The following KLHL31 variants were observed in gnomAD, a reference collection of about 807,000 sequenced individuals.
KLHL31 encodes the protein kelch-like protein 31.
A neutral mutation model predicts 47.1 loss-of-function variants in KLHL31; 32 were observed. That is an observed-to-expected ratio of 0.68 (90% CI 0.51 to 0.91). The LOEUF (loss-of-function observed/expected upper bound fraction) is 0.91. Among genes scored for constraint, KLHL31 ranks in the 40% least tolerant of loss-of-function variants. The pLI is 0.00. For missense variants in KLHL31, 797 were observed against 819.3 expected, an observed-to-expected ratio of 0.97 and a Z score of 0.33; for synonymous variants, 330 against 325.1, an observed-to-expected ratio of 1.01 and a Z score of -0.16.
At position 53,655,182 on chromosome 6, in the gene KLHL31, T is replaced by C. The variant is rs1276701398; in HGVS notation, c.91A>G (p.Asn31Asp). Residue 31 changes from asparagine to aspartate, a missense_variant, in exon 2 of 3, where the codon AAT becomes GAT. Coordinates refer to ENST00000370905, the MANE Select transcript of KLHL31 (RefSeq NM_001003760.5). ...CCCTCTAGGAGCCCATTCAAAGCAT[T>C]CAGTTTGTTTAGGGGGCTATCTTCT... The part of the protein sequence containing the change: ...IVEDSPLNKL[N>D]ALNGLLEGGN... 3.7e-6 allele frequency: 6 copies of C among 1,613,994 alleles called. No individual in the cohort carries two copies. The highest frequency in any genetic ancestry group is 4.2e-6 in the Non-Finnish European group (5 of 1,179,930).
Position 53,648,803 on chromosome 6 carries a change from G to A in KLHL31, c.*2795C>T, listed in dbSNP as rs1764428733. ...AAGAACCTAACTAAAAATGGACAAA[G>A]TATGTTAAAGTTTGGCTTCCTGGAG... On this transcript the variant is annotated 3_prime_UTR_variant, in exon 3 of 3. Coordinates refer to ENST00000370905, the MANE Select transcript of KLHL31 (RefSeq NM_001003760.5). 6.6e-6 allele frequency: 1 copy of A among 152,140 alleles called. No homozygotes were observed. Among genetic ancestry groups the A allele is most frequent in the Admixed American group, 6.5e-5 (1 of 15,270 alleles). The allele number at this position is 152,140 out of a possible 1,614,324, so 9.4% of individuals were successfully genotyped here.
intron 1 of KLHL31, among the ~76,000 whole-genome samples, chr6:53,663,138 A>G (rs781749335): frequency 2.6e-5 from 4 of 152,270 alleles, no homozygotes; most frequent in Non-Finnish European, 5.9e-5. Context: ...TGCTGGGGCA[A>G]AATTCAAACC....
At chr6:53,662,590 C>T (rs182769160) in intron 1 of KLHL31, among the ~76,000 whole-genome samples, 15 of 152,298 alleles carry the variant, frequency 9.8e-5, no homozygotes, top group African/African-American at 3.6e-4. Flanking sequence ...ACAGCCTCCT[C>T]TCCCTCTGCT....
rs369973483 is a variant in KLHL31, at chr6:53,648,660, G to A, written c.*2938C>T. 5.3e-5 allele frequency: 8 copies of A among 151,990 alleles called. No homozygotes were observed. In the East Asian group the frequency reaches 7.7e-4, roughly 15 times the overall value. 9.4% of individuals were successfully genotyped at this position (151,990 alleles called of 1,614,324 possible). ...ATCTAATCATGTTTTAAAATTATACGAATCTGTACCATCACTGACCTTCTA... is the reference window on the plus strand; with the variant it reads ...ATCTAATCATGTTTTAAAATTATACAAATCTGTACCATCACTGACCTTCTA... On this transcript the variant is annotated 3_prime_UTR_variant, in exon 3 of 3. Coordinates refer to ENST00000370905, the MANE Select transcript of KLHL31 (RefSeq NM_001003760.5).
chr6:53,660,020 T>C (rs1197229507), intron 1 of KLHL31, among the ~76,000 whole-genome samples: 8 of 152,238 alleles, frequency 5.3e-5, no homozygotes, highest in Non-Finnish European at 1.2e-4. Flanking sequence ...GCTTGTCCTA[T>C]TTCTGTAAGA....
chr6:53,648,969 A>T lies in KLHL31; in HGVS notation c.*2629T>A, dbSNP rs1764430405. Reference sequence around the variant, plus strand: ...ACAGGACTCAGCCGTTACAAAAATAACAAGTCATTTTCTTTAATAAAAAAT... The same window carrying T: ...ACAGGACTCAGCCGTTACAAAAATATCAAGTCATTTTCTTTAATAAAAAAT... On this transcript the variant is annotated 3_prime_UTR_variant, in exon 3 of 3. Transcript: ENST00000370905. The T allele has an allele frequency of 6.6e-6, 1 of 152,180 alleles. No individual in the cohort carries two copies. Among genetic ancestry groups the T allele is most frequent in the Non-Finnish European group, 1.5e-5 (1 of 68,006 alleles). The allele number at this position is 152,180 out of a possible 1,614,324, so 9.4% of individuals were successfully genotyped here.
At position 53,654,532 on chromosome 6, in the gene KLHL31, TC is replaced by T; in HGVS notation, c.740del (p.Arg247LysfsTer2). ...AMKWLEFDQK[R>X]VKYAADLLSN... ...TCAAAAGATCTGCAGCGTATTTTAC[TC>T]TCTTTTGGTCAAATTCTAACCATTT... On this transcript the variant is annotated frameshift_variant, in exon 2 of 3. Transcript: ENST00000370905. LOFTEE classifies it high-confidence loss of function. 1 of 1,614,204 alleles carries T rather than the reference TC, an allele frequency of 6.2e-7. No homozygotes were observed. The highest frequency in any genetic ancestry group is 8.5e-7 in the Non-Finnish European group (1 of 1,180,030).
chr6:53,665,196 T>C (rs1365125770), intron 1 of KLHL31, among the ~76,000 whole-genome samples: 2 of 152,164 alleles, frequency 1.3e-5, no homozygotes, highest in South Asian at 4.1e-4. Flanking sequence ...AAATGATTCT[T>C]GATAAAAATA....
rs1189719260 is a variant in KLHL31 at position 53,651,705 on chromosome 6, G to A, written c.1798C>T (p.Leu600=). The A allele has an allele frequency of 6.2e-7, 1 of 1,614,078 alleles. No homozygotes were observed. The highest frequency in any genetic ancestry group is 8.5e-7 in the Non-Finnish European group (1 of 1,180,048). The part of the protein sequence containing the change: ...ELNEWTEDDE[L]PEATVGVSCC... Reference sequence around the variant, plus strand: ...GACACGCCGACAGTGGCCTCGGGTAGCTCGTCGTCCTCCGTCCACTCGTTG... The same window carrying A: ...GACACGCCGACAGTGGCCTCGGGTAACTCGTCGTCCTCCGTCCACTCGTTG... The change falls in exon 3 of 3, where the codon CTA becomes TTA. Residue 600 remains leucine, a synonymous_variant. Coordinates refer to ENST00000370905, the MANE Select transcript of KLHL31 (RefSeq NM_001003760.5).
At position 53,652,122 on chromosome 6, in the gene KLHL31, T is replaced by G. The variant is rs1219108382; in HGVS notation, c.1381A>C (p.Ser461Arg). Residue 461 changes from serine to arginine, a missense_variant, in exon 3 of 3, where the codon AGC becomes CGC. Physicochemically the swap from Ser to Arg is moderately radical, Grantham distance 110. Transcript: ENST00000370905. Reference sequence around the variant, plus strand: ...AGCACGCGGCCGTCGGCGACCGCGCTAGCGTGGCAGCAGCGCGCCACCTCC... The same window carrying G: ...AGCACGCGGCCGTCGGCGACCGCGCGAGCGTGGCAGCAGCGCGCCACCTCC... ...PLEVARCCHA[S>R]AVADGRVLVT... 1 of 1,601,824 alleles carries G rather than the reference T, an allele frequency of 6.2e-7. No individual in the cohort carries two copies. The highest frequency in any genetic ancestry group is 1.7e-5 in the Admixed American group (1 of 59,800).
intron 1 of KLHL31, among the ~76,000 whole-genome samples, chr6:53,664,502 G>A (rs914071968): frequency 3.9e-5 from 6 of 152,192 alleles, no homozygotes; most frequent in African/African-American, 1.2e-4. Flanking sequence ...GCCAAGCAAT[G>A]GTACATAATT....
At chr6:53,661,959 C>T (rs1764652230) in intron 1 of KLHL31, among the ~76,000 whole-genome samples, 1 of 152,120 alleles carries the variant, frequency 6.6e-6, no homozygotes. Context: ...GAGGGTTTTA[C>T]TTACTCTCTC....
In KLHL31 at chr6:53,649,732, C is replaced by T. The variant is rs549924100; in HGVS notation, c.*1866G>A. The T allele has an allele frequency of 7.1e-4, 108 of 152,100 alleles. No individual in the cohort carries two copies. Among genetic ancestry groups the T allele is most frequent in the African/African-American group, 2.4e-3 (100 of 41,412 alleles). 9.4% of individuals were successfully genotyped at this position (152,100 alleles called of 1,614,324 possible). A position where few individuals can be genotyped will look rare whatever the true frequency, so the allele number is the denominator to read the frequency against. ...ATGATCTGTAACCCACAATAAAACA[C>T]CCTTTTCTCCAAAAATTAACCATAT... On this transcript the variant is annotated 3_prime_UTR_variant, in exon 3 of 3. Transcript: ENST00000370905.
Position 53,654,477 on chromosome 6 carries a change from G to A in KLHL31, c.796C>T (p.Gln266Ter). 1 of 1,614,170 alleles carries A rather than the reference G, an allele frequency of 6.2e-7. No individual in the cohort carries two copies. Among genetic ancestry groups the A allele is most frequent in the Non-Finnish European group, 8.5e-7 (1 of 1,180,006 alleles). ...SNIRFGTISAQDLVNYVQSVP... is the reference protein window; with the variant it reads ...SNIRFGTISA Reference sequence around the variant, plus strand: ...GATTGAACATAATTGACCAGGTCTTGTGCAGAGATGGTACCAAAGCGAATA... The same window carrying A: ...GATTGAACATAATTGACCAGGTCTTATGCAGAGATGGTACCAAAGCGAATA... Residue 266 changes from glutamine to a stop codon, truncating the protein, a stop_gained, in exon 2 of 3, where the codon CAA becomes TAA. Coordinates refer to ENST00000370905, the MANE Select transcript of KLHL31 (RefSeq NM_001003760.5). LOFTEE classifies it high-confidence loss of function.
Position 53,655,089 on chromosome 6 carries a change from C to T in KLHL31, c.184G>A (p.Gly62Ser). 1 of 1,613,998 alleles carries T rather than the reference C, an allele frequency of 6.2e-7. No homozygotes were observed. Among genetic ancestry groups the T allele is most frequent in the East Asian group, 2.2e-5 (1 of 44,874 alleles). Residue 62 changes from glycine (G) to serine (S), a missense_variant, in exon 2 of 3, where the codon GGT becomes AGT. Coordinates refer to ENST00000370905, the MANE Select transcript of KLHL31 (RefSeq NM_001003760.5). ...TTCTCCTGCCGCATTTTACTTAAAC[C>T]TTCCAAGAGGTTGGGGCCATAAGAA... ...DASYGPNLLE[G>S]LSKMRQENFL...
At position 53,650,344 on chromosome 6, in the gene KLHL31, G is replaced by T. The variant is rs950755606; in HGVS notation, c.*1254C>A. 6.6e-6 allele frequency: 1 copy of T among 152,158 alleles called. No individual in the cohort carries two copies. Among genetic ancestry groups the T allele is most frequent in the Non-Finnish European group, 1.5e-5 (1 of 68,016 alleles). 9.4% of individuals were successfully genotyped at this position (152,158 alleles called of 1,614,324 possible). A position where few individuals can be genotyped will look rare whatever the true frequency, so the allele number is the denominator to read the frequency against. On this transcript the variant is annotated 3_prime_UTR_variant, in exon 3 of 3. Coordinates refer to ENST00000370905, the MANE Select transcript of KLHL31 (RefSeq NM_001003760.5). ...ACATATAGGAAAAGTGCTATCAAGT[G>T]GGTACACTTTGATTATAAATCCAAA...
chr6:53,652,593 A>G (rs1313956148), intron 2 of KLHL31, among the ~76,000 whole-genome samples: 1 of 152,134 alleles, frequency 6.6e-6, no homozygotes, highest in Non-Finnish European at 1.5e-5. Flanking sequence ...TTATGGGGCC[A>G]CTTGGAGAAG....
At chr6:53,659,211 A>G (rs905571313) in intron 1 of KLHL31, among the ~76,000 whole-genome samples, 1 of 152,262 alleles carries the variant, frequency 6.6e-6, no homozygotes, top group African/African-American at 2.4e-5. Flanking sequence ...AATATGGGAC[A>G]GTCACATAGT....
In KLHL31 at chr6:53,663,698, A is replaced by G. The variant is rs142855873; in HGVS notation, c.-34+1903T>C. On this transcript the variant is annotated intron_variant, in intron 1 of 2. Coordinates refer to ENST00000370905, the MANE Select transcript of KLHL31 (RefSeq NM_001003760.5). Reference sequence around the variant, plus strand: ...GGCTGTATATAGGACACAAGGACACAGTACAAAGTTTTTGTTTGGGTTTTG... The same window carrying G: ...GGCTGTATATAGGACACAAGGACACGGTACAAAGTTTTTGTTTGGGTTTTG... Among the ~76,000 whole-genome samples the G allele has an allele frequency of 4.2e-3, 640 of 152,386 alleles. 6 individuals are homozygous for G. The highest frequency in any genetic ancestry group is 0.014 in the African/African-American group (603 of 41,590).
Sources: gnomAD v4.1 joint callset for allele counts (sites outside exome capture counted in the v4.1 genomes callset) on GRCh38, gnomAD v4.1.1 for gene constraint, MANE v1.5 for transcripts, NCBI Gene and HGNC (gene_info 2026-07-23, HGNC 2026-07-21) for gene names.